Variants in PCLO observed in about 807,000 individuals in gnomAD.
The protein encoded by PCLO is protein piccolo.
PCLO carries 82 observed loss-of-function variants against 427.5 expected under a neutral mutation model. The ratio of observed to expected loss-of-function variants is 0.19; its 90% CI spans 0.16 to 0.23. The LOEUF (loss-of-function observed/expected upper bound fraction) is 0.23. Ranked by LOEUF, PCLO falls within the 10% of genes least tolerant of loss-of-function variation. The pLI is 1.00. For missense variants in PCLO, 6,239 were observed against 6,115.9 expected (o/e 1.02, Z -0.67); for synonymous variants, 2,357 against 2,155.4 (o/e 1.09, Z -2.59).
chr7:82,835,598 A>T lies in PCLO; in HGVS notation c.14249+69T>A, dbSNP rs1472033770. ...CATGTTGAAGTGCCAGTGAATGTAC[A>T]TAAAAATGCCAAAAGTATAATTCAA... On this transcript the variant is annotated intron_variant, in intron 16 of 24. Transcript: ENST00000333891. 3 of 1,299,964 alleles carry T rather than the reference A, an allele frequency of 2.3e-6. No individual in the cohort carries two copies. In the East Asian group the frequency reaches 7.2e-5, roughly 31 times the overall value. 80.5% of individuals were successfully genotyped at this position (1,299,964 alleles called of 1,614,324 possible). A position where few individuals can be genotyped will look rare whatever the true frequency, so the allele number is the denominator to read the frequency against.
rs540252652 is a variant in PCLO, at chr7:82,950,964, A to C, written c.9624T>G (p.Asp3208Glu). ...CCAAGTCTAGCTGCTGCTGTTGTTT[A>C]TCTTCTTCAGGGACAATTAAAAGAG... ...ESALLIVPEE[D>E]KQQQQLDLER... The change falls in exon 6 of 25, where the codon GAT (aspartate) becomes GAG (glutamate). Residue 3208 changes from aspartate to glutamate, a missense_variant. Coordinates refer to ENST00000333891, the MANE Select transcript of PCLO (RefSeq NM_033026.6). 2 of 1,613,500 alleles carry C rather than the reference A, an allele frequency of 1.2e-6. No individual in the cohort carries two copies. Among genetic ancestry groups the C allele is most frequent in the South Asian group, 2.2e-5 (2 of 91,082 alleles).
Position 83,129,890 on chromosome 7 carries a change from T to C in PCLO, c.3300+4360A>G, listed in dbSNP as rs116486376. On this transcript the variant is annotated intron_variant, in intron 3 of 24. Transcript: ENST00000333891. The stretch of plus-strand genomic sequence containing the variant: ...AGAAGAAAATTACTTTTGGCTTAAA[T>C]TTATTTAAACAAAAATACAGCTTTA... Among the ~76,000 whole-genome samples the C allele has an allele frequency of 3.8e-3, 585 of 152,282 alleles. 5 individuals carry two copies. Among genetic ancestry groups the C allele is most frequent in the African/African-American group, 0.013 (554 of 41,566 alleles).
At chr7:83,103,685 AGAT>A (rs1790789330) in intron 3 of PCLO, among the ~76,000 whole-genome samples, 1 of 152,148 alleles carries the variant, frequency 6.6e-6, no homozygotes, top group South Asian at 2.1e-4. Context: ...CAGAAAAACA[AGAT>A]GATCACTAAA....
In PCLO at chr7:82,853,493, T is replaced by G. The variant is rs180922626; in HGVS notation, c.13655-6246A>C. On this transcript the variant is annotated intron_variant, in intron 10 of 24. Coordinates refer to ENST00000333891, the MANE Select transcript of PCLO (RefSeq NM_033026.6). ...GAAGGAAGGTACTCTGAATTTCCGT[T>G]TATTGAAAATGAAATCTTAATTGGT... is the stretch of plus-strand genomic sequence containing the variant. 9.2e-5 allele frequency among the ~76,000 whole-genome samples: 14 copies of G among 152,246 alleles called. No individual in the cohort carries two copies. In the East Asian group the frequency reaches 2.5e-3, roughly 27 times the overall value.
At chr7:82,779,568 A>G (rs765971789) in intron 22 of PCLO, among the ~76,000 whole-genome samples, 13 of 152,124 alleles carry the variant, frequency 8.5e-5, no homozygotes, top group Non-Finnish European at 1.5e-4. Flanking sequence ...ATCCTTAACG[A>G]AAGCTTTTAG....
chr7:83,121,908 A>G (rs2116564667), intron 3 of PCLO, among the ~76,000 whole-genome samples: 1 of 152,294 alleles, frequency 6.6e-6, no homozygotes, highest in Non-Finnish European at 1.5e-5. Flanking sequence ...AAAATCCCCA[A>G]CAAAATACTA....
At position 82,954,617 on chromosome 7, in the gene PCLO, T is replaced by C. The variant is rs1397414775; in HGVS notation, c.6336A>G (p.Ser2112=). 3 of 1,613,952 alleles carry C rather than the reference T, an allele frequency of 1.9e-6. No homozygotes were observed. Among genetic ancestry groups the C allele is most frequent in the East Asian group, 4.5e-5 (2 of 44,836 alleles). The change falls in exon 5 of 25, where the codon TCA becomes TCG. Residue 2112 remains serine (S), a synonymous_variant. Coordinates refer to ENST00000333891, the MANE Select transcript of PCLO (RefSeq NM_033026.6). ...PDASLTSSVL[S]GASLTDSTSS... is the part of the protein sequence containing the mutation. Reference sequence around the variant, plus strand: ...TGGTCGAATCTGTAAGAGACGCTCCTGAGAGAACACTTGATGTCAAAGAGG... The same window carrying C: ...TGGTCGAATCTGTAAGAGACGCTCCCGAGAGAACACTTGATGTCAAAGAGG...
At position 82,915,589 on chromosome 7, in the gene PCLO, G is replaced by A. The variant is rs372497499; in HGVS notation, c.12397C>T (p.Arg4133Cys). Residue 4133 changes from arginine to cysteine, a missense_variant, in exon 7 of 25, where the codon CGT (arginine) becomes TGT (cysteine). Physicochemically the swap from Arg to Cys is radical, Grantham distance 180 (BLOSUM62 -3). Transcript: ENST00000333891. ...TGATCTAAGCTCTCTGTCCCTCTAC[G>A]AAATTCCTGTTTAATCTGATGTTTC... ...LLKHQIKQEF[R>C]RGTESLDHLA... The A allele has an allele frequency of 2.2e-5, 36 of 1,613,350 alleles. No individual in the cohort carries two copies. The highest frequency in any genetic ancestry group is 1.8e-4 in the Admixed American group (11 of 59,930).
At chr7:82,871,545 G>T (rs1793238671) in intron 10 of PCLO, among the ~76,000 whole-genome samples, 1 of 151,752 alleles carries the variant, frequency 6.6e-6, no homozygotes, top group Non-Finnish European at 1.5e-5. Flanking sequence ...TAGCACAAAG[G>T]GTGACTATAG....
chr7:83,086,344 G>A (rs1790232037), intron 3 of PCLO, among the ~76,000 whole-genome samples: 1 of 152,016 alleles, frequency 6.6e-6, no homozygotes, highest in African/African-American at 2.4e-5. Flanking sequence ...CCTGACCTCA[G>A]TTGATCCACC....
intron 13 of PCLO, 83 bp downstream of exon 13, chr7:82,845,188 A>G (rs1792466706): frequency 1.1e-6 from 1 of 941,294 alleles, no homozygotes; most frequent in Non-Finnish European, 1.6e-6. Flanking sequence ...AATACTTTAG[A>G]AAATGATATT....
intron 13 of PCLO, among the ~76,000 whole-genome samples, chr7:82,842,399 A>T (rs887182505): frequency 2.6e-5 from 4 of 152,182 alleles, no homozygotes; most frequent in African/African-American, 9.6e-5. Flanking sequence ...CTCAAAATAG[A>T]TTAAAGATTT....
At chr7:82,868,089 C>T in intron 10 of PCLO, 3 of 456,038 alleles carry the variant, frequency 6.6e-6, no homozygotes, top group South Asian at 4.7e-5. Flanking sequence ...AAATCTCATG[C>T]TAATGACCAA....
chr7:83,104,335 A>C (rs1282483561), intron 3 of PCLO, among the ~76,000 whole-genome samples: 1 of 152,060 alleles, frequency 6.6e-6, no homozygotes, highest in Non-Finnish European at 1.5e-5. Flanking sequence ...CGGAATAAGC[A>C]AAGTGATTTT....
At chr7:82,880,430 G>T (rs1469453253) in intron 9 of PCLO, 1 of 405,352 alleles carries the variant, frequency 2.5e-6, no homozygotes, top group Admixed American at 2.5e-5. Flanking sequence ...CTTTTGTAGA[G>T]ACAAGGTCTC....
chr7:82,861,990 T>G (rs1792969505), intron 10 of PCLO, among the ~76,000 whole-genome samples: 1 of 151,718 alleles, frequency 6.6e-6, no homozygotes, highest in South Asian at 2.1e-4. Context: ...TAGCTATAAG[T>G]GTCTAAATCA....
At chr7:82,912,343 C>G (rs534106744) in intron 7 of PCLO, among the ~76,000 whole-genome samples, 8 of 151,642 alleles carry the variant, frequency 5.3e-5, no homozygotes, top group Non-Finnish European at 1.0e-4. Context: ...ACGAAAAGTA[C>G]ACCATTACTC....
intron 6 of PCLO, among the ~76,000 whole-genome samples, chr7:82,939,096 G>A (rs1038879403): frequency 3.3e-5 from 5 of 151,870 alleles, no homozygotes; most frequent in South Asian, 2.1e-4. Flanking sequence ...CAAATCACTC[G>A]TCCATAAAGA....
chr7:82,887,081 T>C (rs1161916501), intron 9 of PCLO, among the ~76,000 whole-genome samples: 1 of 152,206 alleles, frequency 6.6e-6, no homozygotes, highest in East Asian at 1.9e-4. Flanking sequence ...TTCTCCTATG[T>C]GTCTGACACT....
Sources: allele counts gnomAD v4.1 joint callset (sites outside exome capture counted in the v4.1 genomes callset), GRCh38; gene constraint gnomAD v4.1.1; transcripts MANE v1.5; gene names NCBI Gene and HGNC (gene_info 2026-07-23, HGNC 2026-07-21).